LRP1B: variants seen among roughly 807,000 people sequenced by gnomAD.
LRP1B encodes LDL receptor related protein 1B, also known as low-density lipoprotein receptor-related protein 1B.
In LRP1B, 217 loss-of-function variants were observed where a neutral mutation model predicts 556.6. That is an observed-to-expected ratio of 0.39 (90% confidence interval 0.35 to 0.44). LRP1B has a LOEUF of 0.44. Among genes scored for constraint, LRP1B ranks in the 20% least tolerant of loss-of-function variants. The probability of loss-of-function intolerance (pLI) is 1.00; values close to 1 mark genes in which losing one functional copy is unlikely to be tolerated. For synonymous variants in LRP1B, 2,047 were observed against 1,865.8 expected (o/e 1.10, Z -2.50); for missense variants, 5,053 against 5,620.8 (o/e 0.90, Z 3.23).
intron 1 of LRP1B, among the ~76,000 whole-genome samples, chr2:142,104,758 C>A (rs150319694): frequency 1.8e-4 from 27 of 152,210 alleles, no homozygotes; most frequent in South Asian, 6.2e-4. Flanking sequence ...GAAACATTTT[C>A]TCAGCCTTAT....
intron 21 of LRP1B, among the ~76,000 whole-genome samples, chr2:140,915,406 TG>T (rs1237819999): frequency 6.6e-6 from 1 of 151,432 alleles, no homozygotes; most frequent in Non-Finnish European, 1.5e-5. Context: ...CCCAGCACTT[TG>T]GGAAGCCGAG....
At chr2:140,364,495 G>T (rs552561482) in intron 72 of LRP1B, among the ~76,000 whole-genome samples, 166 bp downstream of exon 72, 2 of 151,646 alleles carry the variant, frequency 1.3e-5, no homozygotes, top group East Asian at 3.9e-4. Context: ...TTCGGAACCG[G>T]ATTATCCCTT....
chr2:140,861,495 G>A (rs188658161), intron 27 of LRP1B, among the ~76,000 whole-genome samples: 3 of 152,124 alleles, frequency 2.0e-5, no homozygotes, highest in African/African-American at 7.2e-5. Flanking sequence ...AAATACTAAT[G>A]TAGAGAAACA....
intron 68 of LRP1B, among the ~76,000 whole-genome samples, chr2:140,375,332 CA>C (rs1683180593): frequency 6.6e-6 from 1 of 151,848 alleles, no homozygotes; most frequent in Admixed American, 6.6e-5. Context: ...CAGATGTTAG[CA>C]GCTCATCTTG....
At chr2:140,933,481 T>C (rs1695114174) in intron 20 of LRP1B, among the ~76,000 whole-genome samples, 1 of 152,036 alleles carries the variant, frequency 6.6e-6, no homozygotes, top group African/African-American at 2.4e-5. Context: ...AATCATAACT[T>C]GAGAATAGGG....
intron 1 of LRP1B, among the ~76,000 whole-genome samples, chr2:141,925,267 T>C (rs985466994): frequency 6.6e-5 from 10 of 152,176 alleles, no homozygotes; most frequent in African/African-American, 2.2e-4. Flanking sequence ...TCCAAAACAA[T>C]CTAATAAAGA....
intron 41 of LRP1B, among the ~76,000 whole-genome samples, chr2:140,651,588 C>T (rs535203752): frequency 3.2e-4 from 47 of 147,328 alleles, no homozygotes; most frequent in African/African-American, 1.0e-3. Flanking sequence ...ATGCAGTTAC[C>T]CAAAAAGTAA....
At chr2:140,357,591 G>C (rs1682285771) in intron 74 of LRP1B, among the ~76,000 whole-genome samples, 1 of 150,758 alleles carries the variant, frequency 6.6e-6, no homozygotes, top group Non-Finnish European at 1.5e-5. Context: ...ACTCAGCAAT[G>C]GATTAAATTT....
chr2:141,105,327 C>T (rs892181964), intron 7 of LRP1B, among the ~76,000 whole-genome samples: 1 of 151,376 alleles, frequency 6.6e-6, no homozygotes, highest in Admixed American at 6.6e-5. Context: ...ACATGTATTA[C>T]TTCAATGTAA....
intron 2 of LRP1B, among the ~76,000 whole-genome samples, chr2:141,644,715 T>C (rs1026099771): frequency 2.1e-5 from 3 of 145,194 alleles, no homozygotes; most frequent in Admixed American, 7.1e-5. Context: ...AGTTGTCTGA[T>C]AAGCAGTCAT....
chr2:140,727,003 T>A (rs1229449137), intron 35 of LRP1B, among the ~76,000 whole-genome samples: 1 of 152,146 alleles, frequency 6.6e-6, no homozygotes, highest in South Asian at 2.1e-4. Flanking sequence ...ATGGCTAGGA[T>A]ACCAAGAAAA....
intron 53 of LRP1B, among the ~76,000 whole-genome samples, chr2:140,505,659 T>G (rs1689378223): frequency 6.6e-6 from 1 of 152,208 alleles, no homozygotes; most frequent in South Asian, 2.1e-4. Flanking sequence ...TGTGTTATGA[T>G]GTAGCCTTTA....
intron 7 of LRP1B, among the ~76,000 whole-genome samples, chr2:141,128,371 T>C (rs935458183): frequency 6.6e-6 from 1 of 152,196 alleles, no homozygotes; most frequent in African/African-American, 2.4e-5. Flanking sequence ...TATTTCAATT[T>C]ATGGTTAACA....
chr2:140,451,449 G>A (rs962271178), intron 62 of LRP1B, among the ~76,000 whole-genome samples: 4 of 152,284 alleles, frequency 2.6e-5, no homozygotes, highest in Middle Eastern at 3.4e-3. Flanking sequence ...TAATTTAATT[G>A]CATTTTATTC....
intron 3 of LRP1B, among the ~76,000 whole-genome samples, chr2:141,467,116 A>ATATATATATG (rs1682252654): frequency 0.034 from 91 of 2,664 alleles, 2 homozygotes; most frequent in African/African-American, 0.045. Flanking sequence ...ATATATATAT[A>ATATATATATG]TATATATCTA....
chr2:141,885,675 T>G (rs911368208), intron 1 of LRP1B, among the ~76,000 whole-genome samples: 1 of 152,174 alleles, frequency 6.6e-6, no homozygotes, highest in Non-Finnish European at 1.5e-5. Flanking sequence ...TGAACACATA[T>G]AGGTACAGTG....
intron 35 of LRP1B, among the ~76,000 whole-genome samples, chr2:140,749,815 G>T (rs1688507729): frequency 6.6e-6 from 1 of 152,076 alleles, no homozygotes; most frequent in Non-Finnish European, 1.5e-5. Flanking sequence ...CCCATCATTT[G>T]TTACTATTGT....
intron 32 of LRP1B, among the ~76,000 whole-genome samples, chr2:140,804,647 TA>T (rs367622557): frequency 0.043 from 2,920 of 68,644 alleles, 204 homozygotes; most frequent in Non-Finnish European, 0.066. Flanking sequence ...AGGTAAAAAC[TA>T]ATTTTTTTTT....
At chr2:140,677,157 A>T (rs922242686) in intron 41 of LRP1B, among the ~76,000 whole-genome samples, 1 of 152,184 alleles carries the variant, frequency 6.6e-6, no homozygotes, top group Non-Finnish European at 1.5e-5. Flanking sequence ...GGAGAAATAA[A>T]TTTTCAGATG....
Sources: allele counts gnomAD v4.1 joint callset (sites outside exome capture counted in the v4.1 genomes callset), GRCh38; gene constraint gnomAD v4.1.1; transcripts MANE v1.5; gene names NCBI Gene and HGNC (gene_info 2026-07-23, HGNC 2026-07-21).